Variants in EYS observed in about 807,000 individuals in gnomAD.
EYS encodes the protein EGF-like photoreceptor maintenance factor.
A neutral mutation model predicts 282.1 loss-of-function variants in EYS; 250 were observed. The observed-to-expected ratio is 0.89, with a 90% CI of 0.80 to 0.98. EYS has a LOEUF of 0.98. Ranked by LOEUF, EYS falls within the 50% of genes least tolerant of loss-of-function variation. EYS has a pLI of 0.00. For missense variants in EYS, 4,016 were observed against 3,709.0 expected, an observed-to-expected ratio of 1.08 and a Z score of -2.15; for synonymous variants, 1,355 against 1,282.9, an observed-to-expected ratio of 1.06 and a Z score of -1.20.
chr6:65,451,363 T>A (rs958040687), intron 5 of EYS, among the ~76,000 whole-genome samples: 3 of 152,122 alleles, frequency 2.0e-5, no homozygotes, highest in African/African-American at 7.2e-5. Context: ...TTCATTTGTT[T>A]AATTCAAAGA....
intron 26 of EYS, among the ~76,000 whole-genome samples, chr6:64,577,672 T>C (rs943968964): frequency 6.6e-6 from 1 of 152,074 alleles, no homozygotes; most frequent in Non-Finnish European, 1.5e-5. Context: ...TAAACATATA[T>C]TTTAGAATCA....
At chr6:64,664,047 A>G (rs2149890664) in intron 22 of EYS, among the ~76,000 whole-genome samples, 1 of 152,280 alleles carries the variant, frequency 6.6e-6, no homozygotes, top group South Asian at 2.1e-4. Context: ...ATCTGGAGGG[A>G]TGGAAGTAAG....
chr6:65,221,491 G>A (rs1766464328), intron 12 of EYS, among the ~76,000 whole-genome samples: 1 of 152,170 alleles, frequency 6.6e-6, no homozygotes, highest in Admixed American at 6.5e-5. Flanking sequence ...ACATGGTTTT[G>A]GGCCTGCAGG....
At chr6:65,244,764 C>T (rs1298276842) in intron 12 of EYS, among the ~76,000 whole-genome samples, 4 of 151,714 alleles carry the variant, frequency 2.6e-5, no homozygotes, top group African/African-American at 7.3e-5. Flanking sequence ...CCTGCTGATC[C>T]GCCCGCCTCG....
chr6:64,173,409 T>C (rs1286890659), intron 31 of EYS, among the ~76,000 whole-genome samples: 2 of 152,182 alleles, frequency 1.3e-5, no homozygotes, highest in East Asian at 3.9e-4. Flanking sequence ...GTGACCTAGG[T>C]GGTCCAGAAG....
chr6:65,151,634 A>T (rs1164316751), intron 12 of EYS, among the ~76,000 whole-genome samples: 1 of 152,024 alleles, frequency 6.6e-6, no homozygotes, highest in African/African-American at 2.4e-5. Flanking sequence ...ATTAGATAGT[A>T]ATGTTCTATA....
At chr6:65,001,369 G>C (rs959319573) in intron 13 of EYS, among the ~76,000 whole-genome samples, 6 of 147,002 alleles carry the variant, frequency 4.1e-5, no homozygotes, top group African/African-American at 1.5e-4. Flanking sequence ...GAGTTGGGCC[G>C]CACAGTGGCC....
intron 30 of EYS, among the ~76,000 whole-genome samples, chr6:64,289,631 C>G (rs2150365026): frequency 6.6e-6 from 1 of 152,194 alleles, no homozygotes; most frequent in South Asian, 2.1e-4. Context: ...CTGAAAATAA[C>G]TACACAAATA....
chr6:65,081,641 C>T (rs374459436), intron 12 of EYS, among the ~76,000 whole-genome samples: 1 of 151,956 alleles, frequency 6.6e-6, no homozygotes, highest in Non-Finnish European at 1.5e-5. Context: ...CAAACTTTCA[C>T]ATTGTTTTCT....
intron 35 of EYS, among the ~76,000 whole-genome samples, chr6:63,949,997 C>A (rs184186600): frequency 0.054 from 8,250 of 152,098 alleles, 286 homozygotes; most frequent in South Asian, 0.14. Flanking sequence ...GATGGTGAAA[C>A]CTCATCTCTA....
At chr6:64,245,950 C>T (rs530757740) in intron 30 of EYS, among the ~76,000 whole-genome samples, 8 of 125,504 alleles carry the variant, frequency 6.4e-5, no homozygotes, top group African/African-American at 2.1e-4. Flanking sequence ...ACCCGGGAGG[C>T]GGAGCTTGCA....
chr6:65,023,042 C>A (rs1402116083), intron 13 of EYS, among the ~76,000 whole-genome samples: 1 of 151,896 alleles, frequency 6.6e-6, no homozygotes, highest in Non-Finnish European at 1.5e-5. Context: ...ATGGGTATGG[C>A]TTTTATTTTG....
At chr6:64,112,918 C>T (rs769814170) in intron 31 of EYS, among the ~76,000 whole-genome samples, 40 of 151,490 alleles carry the variant, frequency 2.6e-4, no homozygotes, top group Non-Finnish European at 4.4e-4. Flanking sequence ...CATCTATCCC[C>T]CAGAGATTGT....
chr6:65,008,559 G>A (rs1338328886), intron 13 of EYS, among the ~76,000 whole-genome samples: 1 of 152,164 alleles, frequency 6.6e-6, no homozygotes, highest in East Asian at 1.9e-4. Flanking sequence ...ATGCCTAATA[G>A]GCCTTGCTTC....
intron 26 of EYS, among the ~76,000 whole-genome samples, chr6:64,511,629 G>T (rs1429873217): frequency 6.6e-6 from 1 of 151,988 alleles, no homozygotes; most frequent in African/African-American, 2.4e-5. Flanking sequence ...CACGAACACT[G>T]CTTTAGTTAG....
intron 33 of EYS, among the ~76,000 whole-genome samples, chr6:64,003,743 T>C (rs1427523476): frequency 6.6e-6 from 1 of 152,198 alleles, no homozygotes; most frequent in Non-Finnish European, 1.5e-5. Context: ...CCACATGTCA[T>C]GGGAGGAACC....
At chr6:63,985,523 C>T (rs908508660) in intron 34 of EYS, among the ~76,000 whole-genome samples, 1 of 151,618 alleles carries the variant, frequency 6.6e-6, no homozygotes, top group African/African-American at 2.4e-5. Flanking sequence ...ACGGTGCTTG[C>T]AAATGGTGCT....
At chr6:64,506,909 A>T (rs1404970133) in intron 26 of EYS, among the ~76,000 whole-genome samples, 5 of 73,578 alleles carry the variant, frequency 6.8e-5, no homozygotes, top group African/African-American at 1.0e-4. Context: ...GCTGTGTCTT[A>T]AAAAAAAAAA....
intron 12 of EYS, among the ~76,000 whole-genome samples, chr6:65,199,707 T>C (rs933277311): frequency 6.6e-6 from 1 of 152,078 alleles, no homozygotes; most frequent in East Asian, 1.9e-4. Flanking sequence ...CTTGGAGAGA[T>C]AGTAGGATTT....
Sources: allele counts gnomAD v4.1 joint callset (sites outside exome capture counted in the v4.1 genomes callset), GRCh38; gene constraint gnomAD v4.1.1; transcripts MANE v1.5; gene names NCBI Gene and HGNC (gene_info 2026-07-23, HGNC 2026-07-21).